SEMA6D: variants seen among roughly 807,000 people sequenced by gnomAD.
SEMA6D encodes semaphorin 6D.
In SEMA6D, 35 loss-of-function variants were observed where a neutral mutation model predicts 106.6. That is an observed-to-expected ratio of 0.33 (90% confidence interval 0.25 to 0.44). The LOEUF (loss-of-function observed/expected upper bound fraction) is 0.44, where lower values mean the gene tolerates loss of function less well. Among genes scored for constraint, SEMA6D ranks in the 20% least tolerant of loss-of-function variants. The pLI is 1.00. For synonymous variants in SEMA6D, 499 were observed against 487.7 expected (o/e 1.02, Z -0.31); for missense variants, 1,185 against 1,345.9 (o/e 0.88, Z 1.87).
At chr15:47,561,277 A>T (rs1416237012) in intron 3 of SEMA6D, among the ~76,000 whole-genome samples, 1 of 152,114 alleles carries the variant, frequency 6.6e-6, no homozygotes, top group Non-Finnish European at 1.5e-5. Flanking sequence ...GGGAATGATT[A>T]ACAGCTGATT....
intron 4 of SEMA6D, among the ~76,000 whole-genome samples, chr15:47,675,688 C>T (rs759664010): frequency 8.5e-5 from 13 of 152,144 alleles, no homozygotes; most frequent in Non-Finnish European, 1.8e-4. Flanking sequence ...TTGCAGAAAA[C>T]CAGCATTTAT....
chr15:47,198,108 G>T (rs903563304), intron 1 of SEMA6D, among the ~76,000 whole-genome samples: 1 of 151,984 alleles, frequency 6.6e-6, no homozygotes, highest in African/African-American at 2.4e-5. Flanking sequence ...TATACCTCAT[G>T]ATCTCACTCA....
chr15:47,223,340 C>A (rs570368586), intron 1 of SEMA6D, among the ~76,000 whole-genome samples: 1 of 152,030 alleles, frequency 6.6e-6, no homozygotes, highest in Non-Finnish European at 1.5e-5. Context: ...TACTTTTCAT[C>A]GGTTTTCTCT....
intron 1 of SEMA6D, among the ~76,000 whole-genome samples, chr15:47,316,845 A>G (rs1239879650): frequency 6.6e-6 from 1 of 152,146 alleles, no homozygotes; most frequent in African/African-American, 2.4e-5. Flanking sequence ...TTTTGCATTC[A>G]TGTTTATAAG....
intron 1 of SEMA6D, among the ~76,000 whole-genome samples, chr15:47,382,311 A>G (rs1361949961): frequency 6.6e-6 from 1 of 152,108 alleles, no homozygotes; most frequent in Non-Finnish European, 1.5e-5. Flanking sequence ...GATCAAGACC[A>G]TCCTGGCTAA....
chr15:47,512,496 A>G (rs531812112), intron 3 of SEMA6D, among the ~76,000 whole-genome samples: 3 of 152,370 alleles, frequency 2.0e-5, no homozygotes, highest in Non-Finnish European at 2.9e-5. Context: ...ACAGAAATGT[A>G]GCATCATCAT....
chr15:47,431,871 T>A (rs2041538504), intron 2 of SEMA6D, among the ~76,000 whole-genome samples: 1 of 152,108 alleles, frequency 6.6e-6, no homozygotes, highest in Non-Finnish European at 1.5e-5. Flanking sequence ...AGATAATAAT[T>A]ATAAATAAGC....
At chr15:47,647,227 T>A (rs1366965558) in intron 4 of SEMA6D, among the ~76,000 whole-genome samples, 1 of 152,218 alleles carries the variant, frequency 6.6e-6, no homozygotes, top group Non-Finnish European at 1.5e-5. Context: ...ACTACCAAGA[T>A]ATACACCTTT....
At chr15:47,557,101 T>C (rs961544364) in intron 3 of SEMA6D, among the ~76,000 whole-genome samples, 1 of 152,182 alleles carries the variant, frequency 6.6e-6, no homozygotes, top group South Asian at 2.1e-4. Context: ...TCATTACTTA[T>C]AGTACCCTCG....
At chr15:47,571,788 A>C (rs2046389556) in intron 3 of SEMA6D, among the ~76,000 whole-genome samples, 1 of 152,196 alleles carries the variant, frequency 6.6e-6, no homozygotes, top group Admixed American at 6.5e-5. Context: ...TGGTTAAATT[A>C]TGAAAATGTG....
rs922632731 is a variant in SEMA6D at position 47,772,579 on chromosome 15, C to T, written c.*794C>T. 4.6e-5 allele frequency: 7 copies of T among 152,470 alleles called. No homozygotes were observed. Among genetic ancestry groups the T allele is most frequent in the Non-Finnish European group, 8.8e-5 (6 of 68,016 alleles). The allele number at this position is 152,470 out of a possible 1,614,324, so 9.4% of individuals were successfully genotyped here. Reference sequence around the variant, plus strand: ...AATGATGAACTTTACTTATGTGGTACCCAATGCCAGAATGTAAGAGTTGCA... The same window carrying T: ...AATGATGAACTTTACTTATGTGGTATCCAATGCCAGAATGTAAGAGTTGCA... On this transcript the variant is annotated 3_prime_UTR_variant, in exon 19 of 19. Transcript: ENST00000536845.
chr15:47,316,499 A>G (rs565327838), intron 1 of SEMA6D, among the ~76,000 whole-genome samples: 1 of 152,016 alleles, frequency 6.6e-6, no homozygotes, highest in East Asian at 1.9e-4. Flanking sequence ...GAAGGCTTTA[A>G]GTTTCTCACA....
intron 2 of SEMA6D, among the ~76,000 whole-genome samples, chr15:47,452,484 G>A (rs1309446557): frequency 6.6e-6 from 1 of 151,954 alleles, no homozygotes; most frequent in Non-Finnish European, 1.5e-5. Flanking sequence ...CTATGGTGAT[G>A]TCTTCAAAAA....
intron 2 of SEMA6D, among the ~76,000 whole-genome samples, chr15:47,465,829 T>C (rs2042640896): frequency 6.6e-6 from 1 of 152,152 alleles, no homozygotes; most frequent in African/African-American, 2.4e-5. Context: ...CCCAGTCTCA[T>C]GTAGTTCTTT....
Position 47,317,976 on chromosome 15 carries a change from A to G in SEMA6D, c.-238-94417A>G, listed in dbSNP as rs150386261. On this transcript the variant is annotated intron_variant, in intron 1 of 19. Coordinates refer to the SEMA6D transcript ENST00000558014. The stretch of plus-strand genomic sequence containing the variant: ...TTTTGTTTTTTTCTTCCCCTTTGGC[A>G]TTCCCACTTTCTGCTTATGTTACTC... Among the ~76,000 whole-genome samples, 868 of 139,194 alleles carry G rather than the reference A, an allele frequency of 6.2e-3. 13 individuals carry two copies. The highest frequency in any genetic ancestry group is 0.021 in the African/African-American group (825 of 38,566). The allele number at this position is 139,194 out of a possible 152,430, so 91.3% of individuals were successfully genotyped here.
chr15:47,284,137 C>CTTTTTTTTTTTTTT (rs1452202325), intron 1 of SEMA6D, among the ~76,000 whole-genome samples: 1 of 152,100 alleles, frequency 6.6e-6, no homozygotes, highest in Non-Finnish European at 1.5e-5. Context: ...GACAGGAATC[C>CTTTTTTTTTTTTTT]TTTTTTAAAA....
intron 1 of SEMA6D, among the ~76,000 whole-genome samples, chr15:47,357,825 G>A (rs901269394): frequency 6.6e-6 from 1 of 152,094 alleles, no homozygotes; most frequent in East Asian, 1.9e-4. Flanking sequence ...AACCATCACA[G>A]CCATTTATTA....
At chr15:47,455,198 C>T (rs2042311702) in intron 2 of SEMA6D, among the ~76,000 whole-genome samples, 1 of 151,618 alleles carries the variant, frequency 6.6e-6, no homozygotes, top group South Asian at 2.1e-4. Flanking sequence ...GGAAGAATAA[C>T]AGGAGTTGGC....
intron 1 of SEMA6D, among the ~76,000 whole-genome samples, chr15:47,279,606 G>C (rs1283491823): frequency 2.0e-5 from 3 of 150,830 alleles, no homozygotes; most frequent in Non-Finnish European, 3.0e-5. Flanking sequence ...TCTTGTGCCA[G>C]TTTTCAAAGG....
Sources: gnomAD v4.1 joint callset for allele counts (sites outside exome capture counted in the v4.1 genomes callset) on GRCh38, gnomAD v4.1.1 for gene constraint, MANE v1.5 for transcripts, NCBI Gene and HGNC (gene_info 2026-07-23, HGNC 2026-07-21) for gene names.